PRKG1: variants seen among roughly 807,000 people sequenced by gnomAD.
The protein encoded by PRKG1 is protein kinase cGMP-dependent 1.
In PRKG1, 35 loss-of-function variants were observed where a neutral mutation model predicts 88.1. The ratio of observed to expected loss-of-function variants is 0.40; its 90% confidence interval spans 0.30 to 0.53. PRKG1 has a LOEUF of 0.53. Among genes scored for constraint, PRKG1 ranks in the 20% least tolerant of loss-of-function variants. The pLI is 0.59. For missense variants in PRKG1, 540 were observed against 839.8 expected, an observed-to-expected ratio of 0.64 and a Z score of 4.41; for synonymous variants, 303 against 292.5, an observed-to-expected ratio of 1.04 and a Z score of -0.37.
At chr10:51,842,763 TCTAA>T (rs1390076256) in intron 4 of PRKG1, among the ~76,000 whole-genome samples, 1 of 152,204 alleles carries the variant, frequency 6.6e-6, no homozygotes. Flanking sequence ...TATCTATTTA[TCTAA>T]CTAGTGTATG....
intron 1 of PRKG1, among the ~76,000 whole-genome samples, chr10:51,080,416 G>A (rs1844077320): frequency 1.3e-5 from 2 of 149,084 alleles, no homozygotes; most frequent in South Asian, 4.2e-4. Flanking sequence ...GCTGTTTGCA[G>A]GTTATAAGGC....
At chr10:51,204,039 T>G (rs1157954433) in intron 2 of PRKG1, among the ~76,000 whole-genome samples, 2 of 152,232 alleles carry the variant, frequency 1.3e-5, no homozygotes, top group African/African-American at 2.4e-5. Flanking sequence ...TTTTTTGATA[T>G]GAAGAACTAT....
intron 5 of PRKG1, among the ~76,000 whole-genome samples, chr10:52,046,479 A>G (rs1369676580): frequency 1.3e-5 from 2 of 152,134 alleles, no homozygotes; most frequent in Admixed American, 1.3e-4. Context: ...AATTTCCCTA[A>G]AAATAATCAA....
chr10:52,022,261 C>G (rs555113196), intron 5 of PRKG1, among the ~76,000 whole-genome samples: 1 of 152,160 alleles, frequency 6.6e-6, no homozygotes, highest in Non-Finnish European at 1.5e-5. Flanking sequence ...GTATTAAATA[C>G]ATTTTGACTT....
chr10:51,967,985 C>T (rs1344033572), intron 5 of PRKG1, among the ~76,000 whole-genome samples: 1 of 152,202 alleles, frequency 6.6e-6, no homozygotes, highest in Non-Finnish European at 1.5e-5. Context: ...AAATCTTTCT[C>T]TGTTGGAGAA....
At chr10:51,623,294 G>A (rs1839254416) in intron 3 of PRKG1, among the ~76,000 whole-genome samples, 1 of 152,118 alleles carries the variant, frequency 6.6e-6, no homozygotes, top group Admixed American at 6.5e-5. Flanking sequence ...TCAACCTCCT[G>A]GGCTTAGGCA....
intron 3 of PRKG1, among the ~76,000 whole-genome samples, chr10:51,520,672 T>A (rs78299821): frequency 0.049 from 7,475 of 152,156 alleles, 301 homozygotes; most frequent in Middle Eastern, 0.12. Context: ...GAAAAGAAAG[T>A]TGGAAATAAA....
intron 3 of PRKG1, among the ~76,000 whole-genome samples, chr10:51,612,013 A>G (rs1414107583): frequency 6.6e-6 from 1 of 151,968 alleles, no homozygotes; most frequent in Non-Finnish European, 1.5e-5. Flanking sequence ...TTTTTGTGTC[A>G]GTGCCATGCT....
chr10:52,248,808 A>G (rs1455573577), intron 9 of PRKG1, among the ~76,000 whole-genome samples: 1 of 152,152 alleles, frequency 6.6e-6, no homozygotes, highest in Non-Finnish European at 1.5e-5. Flanking sequence ...TGCTGTAGAT[A>G]TGCAAACATA....
chr10:52,150,284 T>C (rs1564491054), intron 8 of PRKG1, among the ~76,000 whole-genome samples: 1 of 151,960 alleles, frequency 6.6e-6, no homozygotes, highest in Non-Finnish European at 1.5e-5. Flanking sequence ...CAGATTTCCA[T>C]ATTGGGGAGA....
chr10:51,270,564 A>G (rs1839952473), intron 2 of PRKG1, among the ~76,000 whole-genome samples: 1 of 152,158 alleles, frequency 6.6e-6, no homozygotes, highest in African/African-American at 2.4e-5. Context: ...CTCCTGGATC[A>G]CTCAACAGAT....
At chr10:51,532,665 G>T (rs553565980) in intron 3 of PRKG1, among the ~76,000 whole-genome samples, 1 of 152,266 alleles carries the variant, frequency 6.6e-6, no homozygotes, top group South Asian at 2.1e-4. Flanking sequence ...CTTCACAGAA[G>T]TAGCATCCAG....
intron 1 of PRKG1, among the ~76,000 whole-genome samples, chr10:51,121,599 T>C (rs2131916311): frequency 6.6e-6 from 1 of 152,292 alleles, no homozygotes; most frequent in Non-Finnish European, 1.5e-5. Flanking sequence ...AAGGTACTTT[T>C]CCCTAATTTT....
chr10:51,598,064 G>T (rs1838501360), intron 3 of PRKG1, among the ~76,000 whole-genome samples: 1 of 152,132 alleles, frequency 6.6e-6, no homozygotes, highest in Non-Finnish European at 1.5e-5. Flanking sequence ...TAGCTGCATA[G>T]GCCTTACTTT....
At chr10:51,090,789 T>G (rs1397432937) in intron 1 of PRKG1, among the ~76,000 whole-genome samples, 4 of 152,192 alleles carry the variant, frequency 2.6e-5, no homozygotes, top group Non-Finnish European at 5.9e-5. Flanking sequence ...AAAGACCCAC[T>G]GCTTTAATGA....
intron 5 of PRKG1, among the ~76,000 whole-genome samples, chr10:51,961,680 T>C (rs997617197): frequency 6.6e-6 from 1 of 152,202 alleles, no homozygotes; most frequent in African/African-American, 2.4e-5. Context: ...TTTAGTCATA[T>C]CCTCCCTCCC....
chr10:51,647,293 C>T (rs1317810610), intron 3 of PRKG1, among the ~76,000 whole-genome samples: 1 of 152,142 alleles, frequency 6.6e-6, no homozygotes, highest in Admixed American at 6.5e-5. Context: ...GAAAAAGTCA[C>T]ACTTAACTTT....
chr10:51,994,322 T>G (rs1011540620), intron 5 of PRKG1, among the ~76,000 whole-genome samples: 1 of 152,182 alleles, frequency 6.6e-6, no homozygotes, highest in Non-Finnish European at 1.5e-5. Context: ...ACTACATTGA[T>G]CAAGGTCTCC....
At chr10:51,435,000 C>T (rs1042459589) in intron 2 of PRKG1, among the ~76,000 whole-genome samples, 3 of 151,830 alleles carry the variant, frequency 2.0e-5, no homozygotes, top group Non-Finnish European at 2.9e-5. Context: ...TTGTGTGTGC[C>T]GAAGAACATT....
Sources: gnomAD v4.1 joint callset for allele counts (sites outside exome capture counted in the v4.1 genomes callset) on GRCh38, gnomAD v4.1.1 for gene constraint, MANE v1.5 for transcripts, NCBI Gene and HGNC (gene_info 2026-07-23, HGNC 2026-07-21) for gene names.